The following PTPRD variants were observed in gnomAD, a reference collection of about 807,000 sequenced individuals.
The protein encoded by PTPRD is receptor-type tyrosine-protein phosphatase delta.
A neutral mutation model predicts 214.5 loss-of-function variants in PTPRD; 34 were observed. The ratio of observed to expected loss-of-function variants is 0.16; its 90% CI spans 0.12 to 0.21. The LOEUF is 0.21. Ranked by LOEUF, PTPRD falls within the 10% of genes least tolerant of loss-of-function variation. The probability of loss-of-function intolerance (pLI) is 1.00; values close to 1 mark genes in which losing one functional copy is unlikely to be tolerated. For missense variants in PTPRD, 2,545 were observed against 2,398.7 expected, an observed-to-expected ratio of 1.06 and a Z score of -1.27; for synonymous variants, 1,128 against 845.7, an observed-to-expected ratio of 1.33 and a Z score of -5.79.
intron 11 of PTPRD, among the ~76,000 whole-genome samples, chr9:8,934,478 A>ATATAT (rs2098979878): frequency 1.2e-4 from 1 of 8,472 alleles, no homozygotes; most frequent in Non-Finnish European, 2.2e-4. Flanking sequence ...TATATATATA[A>ATATAT]ATATATATAT....
intron 14 of PTPRD, among the ~76,000 whole-genome samples, chr9:8,578,127 G>T (rs2092665015): frequency 2.0e-5 from 3 of 152,130 alleles, no homozygotes; most frequent in South Asian, 4.1e-4. Context: ...CTGTACATAG[G>T]ATACACACTT....
In PTPRD at chr9:10,253,016, T is replaced by C. The variant is rs924904871; in HGVS notation, c.-545+87947A>G. Among the ~76,000 whole-genome samples, 7 of 152,254 alleles carry C rather than the reference T, an allele frequency of 4.6e-5. No individual in the cohort carries two copies. In the South Asian group the frequency reaches 1.5e-3, roughly 32 times the overall value. On this transcript the variant is annotated intron_variant, in intron 3 of 45. Coordinates refer to ENST00000381196, the MANE Select transcript of PTPRD (RefSeq NM_002839.4). ...CCAGAGTGGTCTCAAACTCTTGACC[T>C]CAGGTGATCCGTCTGCCTTGGCCTC...
chr9:9,876,486 A>C (rs893590647), intron 5 of PTPRD, among the ~76,000 whole-genome samples: 1 of 151,024 alleles, frequency 6.6e-6, no homozygotes, highest in Admixed American at 6.6e-5. Context: ...TATCACCTCG[A>C]AAAAAAAACT....
chr9:9,351,285 G>T (rs1199583772), intron 9 of PTPRD, among the ~76,000 whole-genome samples: 2 of 151,954 alleles, frequency 1.3e-5, no homozygotes, highest in Non-Finnish European at 2.9e-5. Context: ...AGGAAACAAA[G>T]GTAATCAGAA....
At chr9:10,044,146 C>G (rs1485365465) in intron 3 of PTPRD, among the ~76,000 whole-genome samples, 2 of 151,286 alleles carry the variant, frequency 1.3e-5, no homozygotes, top group African/African-American at 4.8e-5. Flanking sequence ...CTATAATTCA[C>G]TGGAACTGTG....
intron 35 of PTPRD, among the ~76,000 whole-genome samples, chr9:8,434,720 A>C (rs1267232621): frequency 6.6e-6 from 1 of 152,182 alleles, no homozygotes; most frequent in Non-Finnish European, 1.5e-5. Flanking sequence ...AGTAGGTTGG[A>C]GTGATGAAAG....
chr9:8,994,706 A>G (rs1041059038), intron 11 of PTPRD, among the ~76,000 whole-genome samples: 1 of 151,966 alleles, frequency 6.6e-6, no homozygotes, highest in African/African-American at 2.4e-5. Context: ...CAGTGAGGGA[A>G]GGCAAGGGAA....
At chr9:9,998,713 C>T (rs1163474808) in intron 4 of PTPRD, among the ~76,000 whole-genome samples, 1 of 152,118 alleles carries the variant, frequency 6.6e-6, no homozygotes, top group Admixed American at 6.5e-5. Context: ...GCAGTAGTTG[C>T]TCTAAATAAC....
At chr9:8,327,665 G>T (rs1375553950) in intron 44 of PTPRD, among the ~76,000 whole-genome samples, 1 of 152,118 alleles carries the variant, frequency 6.6e-6, no homozygotes, top group Non-Finnish European at 1.5e-5. Flanking sequence ...TATTGTGTGG[G>T]AGTCTAAGTC....
intron 11 of PTPRD, among the ~76,000 whole-genome samples, chr9:8,822,919 G>C (rs1486546202): frequency 6.6e-6 from 1 of 152,004 alleles, no homozygotes; most frequent in Non-Finnish European, 1.5e-5. Context: ...TCCAAACTAA[G>C]CCCAGTGTTC....
chr9:8,506,137 T>A (rs980438773), intron 22 of PTPRD, among the ~76,000 whole-genome samples: 1 of 152,236 alleles, frequency 6.6e-6, no homozygotes, highest in African/African-American at 2.4e-5. Flanking sequence ...TAATTTATTA[T>A]AACATCCAAA....
At chr9:9,117,347 C>G (rs538402430) in intron 10 of PTPRD, among the ~76,000 whole-genome samples, 1 of 151,670 alleles carries the variant, frequency 6.6e-6, no homozygotes, top group East Asian at 2.0e-4. Flanking sequence ...TCATTGACAT[C>G]TTGTTTTACT....
intron 3 of PTPRD, among the ~76,000 whole-genome samples, chr9:10,257,791 G>A (rs141783842): frequency 0.011 from 1,725 of 152,132 alleles, 38 homozygotes; most frequent in African/African-American, 0.039. Context: ...CTCAGAATAA[G>A]GTAAATGGGC....
At chr9:9,605,118 T>G (rs1311963295) in intron 7 of PTPRD, among the ~76,000 whole-genome samples, 1 of 152,094 alleles carries the variant, frequency 6.6e-6, no homozygotes, top group Non-Finnish European at 1.5e-5. Flanking sequence ...ATTTACCCAG[T>G]AGATTCACAT....
intron 14 of PTPRD, among the ~76,000 whole-genome samples, chr9:8,542,626 A>T (rs945917479): frequency 3.9e-5 from 6 of 152,240 alleles, no homozygotes; most frequent in Admixed American, 3.9e-4. Context: ...ACTCTCACCA[A>T]TAGAGCTGCC....
chr9:9,412,275 G>C (rs997903233), intron 8 of PTPRD, among the ~76,000 whole-genome samples: 1 of 151,904 alleles, frequency 6.6e-6, no homozygotes, highest in Non-Finnish European at 1.5e-5. Context: ...TGTAAATTTG[G>C]TATTTGTGGC....
intron 2 of PTPRD, among the ~76,000 whole-genome samples, chr9:10,464,567 G>C (rs374525509): frequency 1.3e-5 from 2 of 152,028 alleles, no homozygotes; most frequent in Admixed American, 6.6e-5. Context: ...TGTGTGAGGA[G>C]AGCATACAGA....
intron 7 of PTPRD, among the ~76,000 whole-genome samples, chr9:9,606,940 G>A (rs893140529): frequency 8.8e-6 from 1 of 113,332 alleles, no homozygotes; most frequent in South Asian, 3.1e-4. Context: ...TAATTTTGGT[G>A]CAGTATCTGA....
chr9:10,450,684 TC>T (rs2098835670), intron 2 of PTPRD, among the ~76,000 whole-genome samples: 1 of 152,018 alleles, frequency 6.6e-6, no homozygotes, highest in African/African-American at 2.4e-5. Flanking sequence ...CTTTCCTCAG[TC>T]CGTGCACTGA....
Sources: allele counts gnomAD v4.1 joint callset (sites outside exome capture counted in the v4.1 genomes callset), GRCh38; gene constraint gnomAD v4.1.1; transcripts MANE v1.5; gene names NCBI Gene and HGNC (gene_info 2026-07-23, HGNC 2026-07-21).